Variants in HCK observed in about 807,000 individuals in gnomAD.
HCK encodes the protein HCK proto-oncogene, Src family tyrosine kinase.
In HCK, 40 loss-of-function variants were observed where a neutral mutation model predicts 70.4. The ratio of observed to expected loss-of-function variants is 0.57; its 90% confidence interval spans 0.44 to 0.74. The LOEUF is 0.74. Among genes scored for constraint, HCK ranks in the 30% least tolerant of loss-of-function variants. The pLI, the probability that HCK is intolerant of heterozygous loss-of-function variation, is 0.00. For synonymous variants in HCK, 245 were observed against 263.2 expected (o/e 0.93, Z 0.67); for missense variants, 568 against 697.2 (o/e 0.81, Z 2.09).
At chr20:32,059,961 G>C (rs1323826788) in intron 1 of HCK, among the ~76,000 whole-genome samples, 1 of 152,100 alleles carries the variant, frequency 6.6e-6, no homozygotes, top group Non-Finnish European at 1.5e-5. Flanking sequence ...AATGTAAAAG[G>C]ATCAGCGCCT....
At chr20:32,062,456 T>C (rs905097357) in intron 1 of HCK, among the ~76,000 whole-genome samples, 6 of 152,200 alleles carry the variant, frequency 3.9e-5, no homozygotes, top group African/African-American at 1.4e-4. Flanking sequence ...ATGAGTTTTA[T>C]ATGTGGTTGA....
intron 1 of HCK, among the ~76,000 whole-genome samples, chr20:32,068,325 T>TA (rs977344126): frequency 1.6e-4 from 23 of 139,884 alleles, no homozygotes; most frequent in South Asian, 8.9e-4. Flanking sequence ...AAATGAAAAT[T>TA]AAAAAAAAAT....
intron 1 of HCK, among the ~76,000 whole-genome samples, chr20:32,070,860 GGAGGAA>G (rs775569426): frequency 1.3e-4 from 19 of 150,980 alleles, no homozygotes; most frequent in Non-Finnish European, 2.8e-4. Context: ...GAGAAAGAGA[GGAGGAA>G]GAGGAAGAGG....
intron 11 of HCK, among the ~76,000 whole-genome samples, chr20:32,096,804 C>A (rs2045962752): frequency 6.6e-6 from 1 of 152,064 alleles, no homozygotes; most frequent in African/African-American, 2.4e-5. Context: ...GCACAGGCTG[C>A]AGTCACCTTA....
intron 1 of HCK, among the ~76,000 whole-genome samples, chr20:32,068,747 G>GC (rs1366213869): frequency 4.6e-5 from 7 of 151,804 alleles, no homozygotes; most frequent in Non-Finnish European, 8.8e-5. Flanking sequence ...TGTGAGACCT[G>GC]CCCCCCCTCT....
At chr20:32,058,664 G>A (rs999187300) in intron 1 of HCK, among the ~76,000 whole-genome samples, 4 of 149,118 alleles carry the variant, frequency 2.7e-5, no homozygotes, top group Admixed American at 6.7e-5. Flanking sequence ...CCATCATGGC[G>A]TATATGTCTT....
chr20:32,064,362 A>AG (rs962989224), intron 1 of HCK, among the ~76,000 whole-genome samples: 9 of 152,198 alleles, frequency 5.9e-5, no homozygotes, highest in Non-Finnish European at 1.2e-4. Context: ...CTCTACAGCC[A>AG]GGGGTTGGAG....
intron 1 of HCK, among the ~76,000 whole-genome samples, chr20:32,059,733 C>T (rs1292973233): frequency 6.6e-6 from 1 of 151,884 alleles, no homozygotes; most frequent in Non-Finnish European, 1.5e-5. Context: ...CCAGGCTGGT[C>T]TTAAATTCCT....
chr20:32,076,926 A>C (rs1290538367), intron 5 of HCK, among the ~76,000 whole-genome samples: 4 of 152,010 alleles, frequency 2.6e-5, no homozygotes, highest in African/African-American at 9.7e-5. Flanking sequence ...CCTCTACTAA[A>C]AATACAAAAA....
At chr20:32,097,746 C>T (rs2045976481) in intron 11 of HCK, among the ~76,000 whole-genome samples, 1 of 152,112 alleles carries the variant, frequency 6.6e-6, no homozygotes, top group Admixed American at 6.6e-5. Flanking sequence ...CTCACACACA[C>T]AAACACACAC....
At chr20:32,093,806 G>A (rs1289744774) in intron 10 of HCK, 57 bp from the exon 11 acceptor site, 5 of 1,519,792 alleles carry the variant, frequency 3.3e-6, no homozygotes, top group Admixed American at 4.0e-5. Flanking sequence ...CTTTTGGGTG[G>A]GGCCATCTTG....
At chr20:32,094,773 GA>G (rs1341721002) in intron 11 of HCK, among the ~76,000 whole-genome samples, 5 of 116,844 alleles carry the variant, frequency 4.3e-5, no homozygotes, top group East Asian at 4.2e-4. Context: ...AGGAAAGAAA[GA>G]AAGAGAGAGA....
chr20:32,086,699 C>G lies in HCK; in HGVS notation c.907C>G (p.Leu303Val). The change falls in exon 9 of 13, where the codon CTG (leucine) becomes GTG (valine). Residue 303 changes from leucine (L) to valine (V), a missense_variant. By Grantham distance (32) the Leu-to-Val change is conservative. This residue lies in a region of HCK where 160 missense variants were observed against 237.5 expected (regional missense o/e 0.67). Transcript: ENST00000375852. Reference sequence around the variant, plus strand: ...AGGGAGCATGTCGGTGGAGGCCTTCCTGGCAGAGGCCAACGTGATGAAAAC... The same window carrying G: ...AGGGAGCATGTCGGTGGAGGCCTTCGTGGCAGAGGCCAACGTGATGAAAAC... The G allele has an allele frequency of 1.9e-6, 3 of 1,613,818 alleles. No homozygotes were observed. The highest frequency in any genetic ancestry group is 2.5e-6 in the Non-Finnish European group (3 of 1,179,840).
chr20:32,100,355 G>C (rs1284917482), intron 12 of HCK, among the ~76,000 whole-genome samples: 2 of 152,220 alleles, frequency 1.3e-5, no homozygotes, highest in Admixed American at 6.5e-5. Flanking sequence ...CAGTGGCCCA[G>C]GCAGAGGTGA....
chr20:32,069,726 A>G, intron 1 of HCK: 1 of 1,250,210 alleles, frequency 8.0e-7, no homozygotes, highest in Non-Finnish European at 1.0e-6. Context: ...GAGGTGGCAA[A>G]TCTTTCCCAG....
rs190742687 is a variant in HCK at position 32,083,466 on chromosome 20, T to C, written c.533-428T>C. On this transcript the variant is annotated intron_variant, in intron 6 of 12. Coordinates refer to ENST00000375852, the MANE Select transcript of HCK (RefSeq NM_002110.5). ...AAAAAGTAAAAAGTATACTATGGTC[T>C]CTTGGCTTTTTGTAGGGTAGATGAT... 1.2e-4 allele frequency among the ~76,000 whole-genome samples: 19 copies of C among 152,336 alleles called. No individual in the cohort carries two copies. In the South Asian group the frequency reaches 2.3e-3, roughly 18 times the overall value.
chr20:32,088,520 CATTAA>C (rs778936221), intron 9 of HCK, 43 bp from the exon 10 acceptor site: 2 of 1,448,774 alleles, frequency 1.4e-6, no homozygotes, highest in Admixed American at 3.8e-5. Context: ...TGGTTTTTGC[CATTAA>C]ATAGTAAAAG....
intron 1 of HCK, among the ~76,000 whole-genome samples, chr20:32,053,404 G>A (rs569202732): frequency 1.3e-5 from 2 of 152,102 alleles, no homozygotes; most frequent in East Asian, 1.9e-4. Context: ...TTGGGAGGCC[G>A]AGGCAGGTGG....
rs975100987 is a variant in HCK, at chr20:32,061,202, T to A, written c.62+8716T>A. On this transcript the variant is annotated intron_variant, in intron 1 of 12. Coordinates refer to ENST00000375852, the MANE Select transcript of HCK (RefSeq NM_002110.5). ...TTTCACCATGTTGGCCAGGCTGGTC[T>A]TGAACTCCTGACCTTGTGATTCGCC... Among the ~76,000 whole-genome samples, 3 of 152,316 alleles carry A rather than the reference T, an allele frequency of 2.0e-5. No individual in the cohort carries two copies. The East Asian group carries it at 5.8e-4, about 30-fold the overall frequency.
Sources: gnomAD v4.1 joint callset for allele counts (sites outside exome capture counted in the v4.1 genomes callset) on GRCh38, gnomAD v4.1.1 for gene constraint, gnomAD v4.1.1 regional missense constraint, MANE v1.5 for transcripts, NCBI Gene and HGNC (gene_info 2026-07-23, HGNC 2026-07-21) for gene names.